The following AFAP1L1 variants were observed in gnomAD, a reference collection of about 807,000 sequenced individuals.
AFAP1L1 encodes actin filament associated protein 1 like 1, also known as actin filament-associated protein 1-like 1.
In AFAP1L1, 77 loss-of-function variants were observed where a neutral mutation model predicts 99.8. The observed-to-expected ratio is 0.77, with a 90% CI of 0.64 to 0.93. The LOEUF (loss-of-function observed/expected upper bound fraction) is 0.93. AFAP1L1 is among the 40% of genes least tolerant of loss of function. The pLI is 0.00. For synonymous variants in AFAP1L1, 373 were observed against 395.3 expected, an observed-to-expected ratio of 0.94 and a Z score of 0.67; for missense variants, 893 against 996.8, an observed-to-expected ratio of 0.90 and a Z score of 1.40.
chr5:149,301,231 G>A lies in AFAP1L1; in HGVS notation c.327+1G>A, dbSNP rs200045644. 75 of 1,613,580 alleles carry A rather than the reference G, an allele frequency of 4.6e-5. No homozygotes were observed. The highest frequency in any genetic ancestry group is 1.7e-4 in the African/African-American group (13 of 75,028). On this transcript the variant is annotated splice_donor_variant, in intron 4 of 18. Transcript: ENST00000296721. LOFTEE classifies it high-confidence loss of function. Reference sequence around the variant, plus strand: ...AGCCAAGAGCCCACGCCTGAGAAACGTGAGTCATGGCCTGGGTTCCCACAC... The same window carrying A: ...AGCCAAGAGCCCACGCCTGAGAAACATGAGTCATGGCCTGGGTTCCCACAC...
rs552380155 is a variant in AFAP1L1, at chr5:149,313,858, G to A, written c.1020+1654G>A. On this transcript the variant is annotated intron_variant, in intron 9 of 18. Coordinates refer to ENST00000296721, the MANE Select transcript of AFAP1L1 (RefSeq NM_152406.4). ...CAGATGAAGATGAAAAATTAGCAGG[G>A]AAGAGGAAGGAAAAGGCATTGTAAG... Among the ~76,000 whole-genome samples the A allele has an allele frequency of 9.2e-5, 14 of 152,356 alleles. No individual in the cohort carries two copies. The South Asian group carries it at 2.7e-3, about 29-fold the overall frequency.
chr5:149,286,035 C>T (rs10039849), intron 1 of AFAP1L1, among the ~76,000 whole-genome samples: 9,648 of 152,218 alleles, frequency 0.063, 611 homozygotes, highest in African/African-American at 0.16. Context: ...TACTCTGGCG[C>T]ATAGAACAGG....
chr5:149,310,784 A>G (rs1283195647), intron 8 of AFAP1L1, among the ~76,000 whole-genome samples: 5 of 152,234 alleles, frequency 3.3e-5, no homozygotes, highest in Admixed American at 2.6e-4. Flanking sequence ...GAAGCTAAGT[A>G]GTAAATCTAC....
chr5:149,301,260 A>C, intron 4 of AFAP1L1, 30 bp downstream of exon 4: 12 of 1,603,176 alleles, frequency 7.5e-6, no homozygotes, highest in Non-Finnish European at 1.0e-5. Context: ...CCCACACCTC[A>C]GGGCCTCTGT....
At chr5:149,280,019 G>A (rs142727040) in intron 1 of AFAP1L1, among the ~76,000 whole-genome samples, 266 of 152,320 alleles carry the variant, frequency 1.7e-3, no homozygotes, top group Non-Finnish European at 2.9e-3. Context: ...CCAGGACCTA[G>A]TGTAATGCTT....
rs533956694 is a variant in AFAP1L1 at position 149,277,693 on chromosome 5, A to G, written c.16+5709A>G. On this transcript the variant is annotated intron_variant, in intron 1 of 18. Coordinates refer to ENST00000296721, the MANE Select transcript of AFAP1L1 (RefSeq NM_152406.4). Reference sequence around the variant, plus strand: ...CCAGTGGAGCTGAGTGGTTCAGAGAATGGACAAATTTGAGTTTGAGTTTTG... The same window carrying G: ...CCAGTGGAGCTGAGTGGTTCAGAGAGTGGACAAATTTGAGTTTGAGTTTTG... Among the ~76,000 whole-genome samples, 4 of 149,614 alleles carry G rather than the reference A, an allele frequency of 2.7e-5. No individual in the cohort carries two copies. The South Asian group carries it at 6.2e-4, about 23-fold the overall frequency.
intron 17 of AFAP1L1, among the ~76,000 whole-genome samples, 154 bp downstream of exon 17, chr5:149,333,027 G>T (rs1757303293): frequency 6.6e-6 from 1 of 152,224 alleles, no homozygotes; most frequent in Admixed American, 6.5e-5. Flanking sequence ...CATGCCATGG[G>T]TGGCACAGCT....
chr5:149,309,818 C>T, intron 7 of AFAP1L1, 138 bp from the exon 8 acceptor site: 1 of 1,072,522 alleles, frequency 9.3e-7, no homozygotes, highest in South Asian at 1.5e-5. Flanking sequence ...CAGCTATCCT[C>T]ACACAGTGCC....
In AFAP1L1 at chr5:149,322,624, C is replaced by T. The variant is rs112109404; in HGVS notation, c.1717C>T (p.Pro573Ser). The change falls in exon 15 of 19, where the codon CCC becomes TCC. Residue 573 changes from proline (P) to serine (S), a missense_variant. Pro to Ser is a moderately conservative substitution (Grantham distance 74, BLOSUM62 -1). Coordinates refer to ENST00000296721, the MANE Select transcript of AFAP1L1 (RefSeq NM_152406.4). ...CCACCAGGACGAGGAGCCCGAGCGC[C>T]CCACAGGGGCCCAGGTGAAGCGTCA... ...EKMQDEEPER[P>S]TGAQVKRHAS... 6.3e-7 allele frequency: 1 copy of T among 1,583,324 alleles called. No individual in the cohort carries two copies. The highest frequency in any genetic ancestry group is 8.6e-7 in the Non-Finnish European group (1 of 1,163,604).
intron 9 of AFAP1L1, among the ~76,000 whole-genome samples, chr5:149,313,026 C>T (rs1756683994): frequency 6.6e-6 from 1 of 151,024 alleles, no homozygotes; most frequent in Admixed American, 6.6e-5. Flanking sequence ...ACTCAGGAGG[C>T]TGAGGGAGGA....
At chr5:149,276,697 AAGACTGCTTTAC>A (rs1755338359) in intron 1 of AFAP1L1, 1 of 152,236 alleles carries the variant, frequency 6.6e-6, no homozygotes, top group African/African-American at 2.4e-5. Flanking sequence ...CACCATTAAT[AAGACTGCTTTAC>A]AGAACTTCAC....
intron 8 of AFAP1L1, 113 bp downstream of exon 8, chr5:149,310,248 GCC>G: frequency 1.5e-6 from 2 of 1,324,660 alleles, no homozygotes; most frequent in Non-Finnish European, 2.0e-6. Flanking sequence ...CAGTGCCTGA[GCC>G]CAAGTGCCCT....
chr5:149,336,324 C>T (rs1395367870), intron 18 of AFAP1L1, among the ~76,000 whole-genome samples: 2 of 152,144 alleles, frequency 1.3e-5, no homozygotes, highest in African/African-American at 4.8e-5. Flanking sequence ...AGATTATAAA[C>T]AGTCATATCA....
chr5:149,334,731 G>A (rs1757353628), intron 17 of AFAP1L1, among the ~76,000 whole-genome samples: 1 of 152,064 alleles, frequency 6.6e-6, no homozygotes, highest in Admixed American at 6.6e-5. Flanking sequence ...GGCCAACATG[G>A]TGAAACCCCA....
intron 1 of AFAP1L1, among the ~76,000 whole-genome samples, chr5:149,291,705 A>G (rs1755867598): frequency 6.6e-6 from 1 of 151,958 alleles, no homozygotes; most frequent in African/African-American, 2.4e-5. Flanking sequence ...TGTGGGTCAT[A>G]CCCCACTGAT....
rs1756406641 is a variant in AFAP1L1 at position 149,306,253 on chromosome 5, C to T, written c.437-53C>T. 3.3e-6 allele frequency: 5 copies of T among 1,506,692 alleles called. No individual in the cohort carries two copies. The Admixed American group carries it at 7.3e-5, about 22-fold the overall frequency. The allele number at this position is 1,506,692 out of a possible 1,614,324, so 93.3% of individuals were successfully genotyped here. On this transcript the variant is annotated intron_variant, in intron 5 of 18. Coordinates refer to ENST00000296721, the MANE Select transcript of AFAP1L1 (RefSeq NM_152406.4). The stretch of plus-strand genomic sequence containing the variant: ...GTCAGGGTCTCCCCCAGTCCTGGCC[C>T]CTGGAGTCTGCCTGCATTTCTCCAA...
At chr5:149,319,873 T>C in intron 13 of AFAP1L1, 146 bp downstream of exon 13, 1 of 1,242,730 alleles carries the variant, frequency 8.0e-7, no homozygotes, top group Non-Finnish European at 1.1e-6. Flanking sequence ...ATGAGTGTCT[T>C]CCTCTTCCAG....
chr5:149,314,805 T>C (rs1756748126), intron 9 of AFAP1L1, among the ~76,000 whole-genome samples: 1 of 152,228 alleles, frequency 6.6e-6, no homozygotes, highest in Non-Finnish European at 1.5e-5. Context: ...GGAAAGGCTT[T>C]GGGGCCTCAG....
At chr5:149,303,657 A>G (rs1756303067) in intron 5 of AFAP1L1, among the ~76,000 whole-genome samples, 3 of 152,132 alleles carry the variant, frequency 2.0e-5, no homozygotes, top group Admixed American at 1.3e-4. Context: ...CAACAATTCC[A>G]TTTGTTTTTT....
Sources: gnomAD v4.1 joint callset for allele counts (sites outside exome capture counted in the v4.1 genomes callset) on GRCh38, gnomAD v4.1.1 for gene constraint, MANE v1.5 for transcripts, NCBI Gene and HGNC (gene_info 2026-07-23, HGNC 2026-07-21) for gene names.